The following SRPK2 variants were observed in gnomAD, a reference collection of about 807,000 sequenced individuals.
The protein encoded by SRPK2 is SFRS protein kinase 2.
Under a neutral mutation model 90.8 loss-of-function variants are expected in SRPK2, and 21 were observed. The ratio of observed to expected loss-of-function variants is 0.23; its 90% CI spans 0.16 to 0.33. The LOEUF (loss-of-function observed/expected upper bound fraction) is 0.33. Among genes scored for constraint, SRPK2 ranks in the 10% least tolerant of loss-of-function variants. The probability of loss-of-function intolerance (pLI) is 1.00; values close to 1 mark genes in which losing one functional copy is unlikely to be tolerated. For synonymous variants in SRPK2, 288 were observed against 311.1 expected (o/e 0.93, Z 0.78); for missense variants, 620 against 869.0 (o/e 0.71, Z 3.60).
At chr7:105,177,927 G>A (rs1218820236) in intron 3 of SRPK2, among the ~76,000 whole-genome samples, 3 of 151,804 alleles carry the variant, frequency 2.0e-5, no homozygotes, top group Non-Finnish European at 4.4e-5. Flanking sequence ...TACTCGGGAG[G>A]CTGAGGCAGG....
upstream of SRPK2, chr7:105,389,221 G>A: frequency 5.8e-6 from 7 of 1,204,020 alleles, no homozygotes; most frequent in Non-Finnish European, 7.4e-6. Context: ...CTCCCTCCCC[G>A]CCGCGGCCTC....
chr7:105,294,881 T>C lies in SRPK2; in HGVS notation c.72-91096A>G, dbSNP rs908861365. Among the ~76,000 whole-genome samples, 6 of 152,286 alleles carry C rather than the reference T, an allele frequency of 3.9e-5. No individual in the cohort carries two copies. In the South Asian group the frequency reaches 1.0e-3, roughly 26 times the overall value. On this transcript the variant is annotated intron_variant, in intron 2 of 15. Transcript: ENST00000393651. The stretch of plus-strand genomic sequence containing the variant: ...GGCTGATGCCCAGAATCTTCTCTAA[T>C]AATATGTCTTTTGGCAAATATTAGT...
intron 7 of SRPK2, among the ~76,000 whole-genome samples, chr7:105,160,050 T>G (rs1392706807): frequency 6.6e-6 from 1 of 152,218 alleles, no homozygotes; most frequent in African/African-American, 2.4e-5. Flanking sequence ...ATACTGTCTA[T>G]TAGATCTGCA....
chr7:105,193,665 GC>G (rs1308499105), intron 3 of SRPK2, among the ~76,000 whole-genome samples: 1 of 152,170 alleles, frequency 6.6e-6, no homozygotes, highest in Non-Finnish European at 1.5e-5. Flanking sequence ...CCACCTATGA[GC>G]ATGGGATGTG....
intron 2 of SRPK2, among the ~76,000 whole-genome samples, chr7:105,293,057 G>A (rs1315802797): frequency 1.3e-5 from 2 of 152,074 alleles, no homozygotes; most frequent in South Asian, 2.1e-4. Flanking sequence ...CCAAGGGGGA[G>A]GAGGGAGGGG....
chr7:105,218,605 A>G (rs1385367882), intron 2 of SRPK2, among the ~76,000 whole-genome samples: 56 of 152,248 alleles, frequency 3.7e-4, no homozygotes, highest in Admixed American at 3.7e-3. Context: ...GGTTTAATGA[A>G]AAGGACCTCC....
At chr7:105,201,114 A>C (rs1795496589) in intron 3 of SRPK2, among the ~76,000 whole-genome samples, 1 of 152,216 alleles carries the variant, frequency 6.6e-6, no homozygotes. Context: ...TTTATCCAAG[A>C]ACAAAAAATG....
chr7:105,301,115 C>G (rs564150002), intron 2 of SRPK2, among the ~76,000 whole-genome samples: 1 of 152,158 alleles, frequency 6.6e-6, no homozygotes, highest in Admixed American at 6.5e-5. Flanking sequence ...TGGGAACCAA[C>G]CCAAATGTCC....
At chr7:105,397,051 C>A (rs1822351899) in intron 1 of SRPK2, among the ~76,000 whole-genome samples, 1 of 152,108 alleles carries the variant, frequency 6.6e-6, no homozygotes, top group Middle Eastern at 3.4e-3. Context: ...GAGTTTGCTT[C>A]TTGTTGCCCA....
At chr7:105,291,565 C>A (rs930079229) in intron 2 of SRPK2, among the ~76,000 whole-genome samples, 2 of 152,092 alleles carry the variant, frequency 1.3e-5, no homozygotes, top group African/African-American at 4.8e-5. Context: ...CCCATCTCTA[C>A]TAAAAACACA....
At chr7:105,293,279 A>T (rs1039106860) in intron 2 of SRPK2, among the ~76,000 whole-genome samples, 2 of 151,756 alleles carry the variant, frequency 1.3e-5, no homozygotes, top group African/African-American at 4.8e-5. Flanking sequence ...CATCTCAAAA[A>T]AAGAAAAAAA....
intron 3 of SRPK2, among the ~76,000 whole-genome samples, chr7:105,203,389 T>A (rs1795803078): frequency 6.6e-6 from 1 of 152,228 alleles, no homozygotes; most frequent in African/African-American, 2.4e-5. Context: ...ACCTAGAATA[T>A]GTATGTACAA....
chr7:105,243,686 A>AT (rs1801162099), intron 2 of SRPK2, among the ~76,000 whole-genome samples: 1 of 151,968 alleles, frequency 6.6e-6, no homozygotes, highest in Admixed American at 6.6e-5. Context: ...CGAACGGTAA[A>AT]TTTAGGGCTG....
At chr7:105,352,799 G>T (rs934650662) in intron 2 of SRPK2, among the ~76,000 whole-genome samples, 20 of 152,162 alleles carry the variant, frequency 1.3e-4, no homozygotes, top group African/African-American at 4.6e-4. Flanking sequence ...TACTCGGGAG[G>T]CTGAGGCAGG....
rs151254771 is a variant in SRPK2 at position 105,148,582 on chromosome 7, T to C, written c.622-1924A>G. On this transcript the variant is annotated intron_variant, in intron 7 of 15. Coordinates refer to ENST00000393651, the MANE Select transcript of SRPK2 (RefSeq NM_182692.3). ...CATCAATGACCATTCAAACAATGAATTGAATAGGCATTTTGTTCACAAGAG... is the reference window on the plus strand; with the variant it reads ...CATCAATGACCATTCAAACAATGAACTGAATAGGCATTTTGTTCACAAGAG... Among the ~76,000 whole-genome samples, 331 of 152,340 alleles carry C rather than the reference T, an allele frequency of 2.2e-3. 1 individual carries two copies. The highest frequency in any genetic ancestry group is 7.6e-3 in the African/African-American group (317 of 41,572).
chr7:105,288,230 T>C (rs1035031903), intron 2 of SRPK2, among the ~76,000 whole-genome samples: 1 of 152,202 alleles, frequency 6.6e-6, no homozygotes, highest in Non-Finnish European at 1.5e-5. Flanking sequence ...TTTCCACCCA[T>C]AGTAGGATCT....
intron 3 of SRPK2, among the ~76,000 whole-genome samples, chr7:105,201,068 C>G (rs1795489144): frequency 1.3e-5 from 2 of 152,128 alleles, no homozygotes; most frequent in Admixed American, 1.3e-4. Context: ...AATTTTAGCT[C>G]AACCAGTCCT....
chr7:105,238,066 G>C lies in SRPK2; in HGVS notation c.72-34281C>G, dbSNP rs539961702. Among the ~76,000 whole-genome samples the C allele has an allele frequency of 3.9e-5, 6 of 152,206 alleles. No individual in the cohort carries two copies. The East Asian group carries it at 7.7e-4, about 20-fold the overall frequency. On this transcript the variant is annotated intron_variant, in intron 2 of 15. Coordinates refer to ENST00000393651, the MANE Select transcript of SRPK2 (RefSeq NM_182692.3). ...TAACTATTCCATACTCCCCCAACCA[G>C]ACAAATGACAAAAGCTTCTAAGTAA...
At chr7:105,396,739 G>A (rs546314880) in intron 1 of SRPK2, among the ~76,000 whole-genome samples, 2 of 150,146 alleles carry the variant, frequency 1.3e-5, no homozygotes, top group Admixed American at 1.3e-4. Context: ...GGAAGAGGAG[G>A]AGGAGGAGGA....
Sources: allele counts gnomAD v4.1 joint callset (sites outside exome capture counted in the v4.1 genomes callset), GRCh38; gene constraint gnomAD v4.1.1; transcripts MANE v1.5; gene names NCBI Gene and HGNC (gene_info 2026-07-23, HGNC 2026-07-21).